DISP3: variants seen among roughly 807,000 people sequenced by gnomAD.
The protein encoded by DISP3 is protein dispatched homolog 3.
In DISP3, 101 loss-of-function variants were observed where a neutral mutation model predicts 135.3. The observed-to-expected ratio is 0.75, with a 90% CI of 0.64 to 0.88. The LOEUF (loss-of-function observed/expected upper bound fraction) is 0.88. Among genes scored for constraint, DISP3 ranks in the 40% least tolerant of loss-of-function variants. DISP3 has a pLI of 0.00. For synonymous variants in DISP3, 856 were observed against 817.0 expected (o/e 1.05, Z -0.81); for missense variants, 1,713 against 1,878.6 (o/e 0.91, Z 1.63).
chr1:11,482,900 A>T (rs7555562), intron 1 of DISP3, among the ~76,000 whole-genome samples: 3 of 152,152 alleles, frequency 2.0e-5, no homozygotes, highest in African/African-American at 7.2e-5. Flanking sequence ...GTCTGTCAAA[A>T]CACCCTTCCA....
At position 11,534,418 on chromosome 1, in the gene DISP3, C is replaced by T. The variant is rs1157276083; in HGVS notation, c.3413C>T (p.Ser1138Leu). Reference sequence around the variant, plus strand: ...GGCAAATCCTCCTTCCAGACCTACTCGGACTACCTGCGCTGGGAGAGCTTC... The same window carrying T: ...GGCAAATCCTCCTTCCAGACCTACTTGGACTACCTGCGCTGGGAGAGCTTC... ...YKGKSSFQTYSDYLRWESFLQ... is the reference protein window; with the variant it reads ...YKGKSSFQTYLDYLRWESFLQ... Residue 1138 changes from serine to leucine, a missense_variant, in exon 18 of 21, where the codon TCG becomes TTG. Physicochemically the swap from Ser to Leu is moderately radical, Grantham distance 145. This residue lies in a region of DISP3 where 1,142 missense variants were observed against 1,384.6 expected (regional missense o/e 0.82). Coordinates refer to ENST00000294484, the MANE Select transcript of DISP3 (RefSeq NM_020780.2). 3.1e-6 allele frequency: 5 copies of T among 1,614,126 alleles called. No individual in the cohort carries two copies. Among genetic ancestry groups the T allele is most frequent in the East Asian group, 2.2e-5 (1 of 44,900 alleles).
intron 1 of DISP3, among the ~76,000 whole-genome samples, chr1:11,490,190 C>G (rs1021489603): frequency 1.3e-5 from 2 of 152,164 alleles, no homozygotes; most frequent in African/African-American, 4.8e-5. Context: ...AACCTGCTGA[C>G]CCGTCAGGCC....
At chr1:11,482,156 C>T (rs2100345612) in intron 1 of DISP3, among the ~76,000 whole-genome samples, 1 of 152,302 alleles carries the variant, frequency 6.6e-6, no homozygotes, top group South Asian at 2.1e-4. Context: ...ATCCCCTATT[C>T]CCCTAGTCCT....
chr1:11,517,592 T>C lies in DISP3; in HGVS notation c.1879T>C (p.Cys627Arg), dbSNP rs1642049759. ...SLYLAPLESS[C>R]QTSCHQNCSR... ...CTACCTGGCACCACTGGAGAGCTCC[T>C]GCCAGACCAGGTAAGTCGGGCAGGG... Residue 627 changes from cysteine to arginine, a missense_variant, in exon 7 of 21, where the codon TGC (cysteine) becomes CGC (arginine). Transcript: ENST00000294484. The C allele has an allele frequency of 1.9e-5, 30 of 1,613,644 alleles. No individual in the cohort carries two copies. The highest frequency in any genetic ancestry group is 2.5e-5 in the Non-Finnish European group (29 of 1,180,022).
chr1:11,501,666 G>C lies in DISP3; in HGVS notation c.674G>C (p.Arg225Pro). 10 of 1,608,002 alleles carry C rather than the reference G, an allele frequency of 6.2e-6. No homozygotes were observed. Among genetic ancestry groups the C allele is most frequent in the Non-Finnish European group, 7.6e-6 (9 of 1,177,928 alleles). The change falls in exon 2 of 21, where the codon CGG becomes CCG. Residue 225 changes from arginine to proline, a missense_variant. Transcript: ENST00000294484. The surrounding 1 kb of genome is among the most constrained non-coding windows in gnomAD (Gnocchi z 4.9). ...CAGAGTGAAGACCCGCGAAACCAGC[G>C]GCTGAGCAAGAATGGGCGGTACCAG... is the stretch of plus-strand genomic sequence containing the variant. ...ANQSEDPRNQ[R>P]LSKNGRYQPS...
At chr1:11,535,261 C>T (rs544380713) in intron 19 of DISP3, 137 bp downstream of exon 19, 12 of 1,045,044 alleles carry the variant, frequency 1.1e-5, no homozygotes, top group Non-Finnish European at 1.5e-5. Context: ...GACTGTCTCT[C>T]CTGCATGTCT....
intron 12 of DISP3, among the ~76,000 whole-genome samples, chr1:11,525,550 G>A (rs985481980): frequency 7.0e-6 from 1 of 143,342 alleles, no homozygotes; most frequent in Non-Finnish European, 1.6e-5. Flanking sequence ...TTAACTGTGT[G>A]TCTTTAGGCA....
intron 6 of DISP3, 77 bp from the exon 7 acceptor site, chr1:11,517,386 T>C (rs1642041596): frequency 6.3e-7 from 1 of 1,577,912 alleles, no homozygotes. Flanking sequence ...TGAGTGTCTC[T>C]GGCTGCAGGG....
chr1:11,490,094 A>C (rs1254301555), intron 1 of DISP3, among the ~76,000 whole-genome samples: 1 of 151,084 alleles, frequency 6.6e-6, no homozygotes, highest in East Asian at 2.0e-4. Context: ...TCATACACCC[A>C]GGACTTGGGA....
intron 3 of DISP3, among the ~76,000 whole-genome samples, chr1:11,509,191 G>C (rs188821015): frequency 1.3e-5 from 2 of 151,512 alleles, no homozygotes; most frequent in Admixed American, 6.6e-5. Context: ...TTTAGTTTTC[G>C]AATATTTGGG....
In DISP3 at chr1:11,529,302, C is replaced by T. The variant is rs1642510588; in HGVS notation, c.2799-254C>T. ...CATGACTCCTATGGGGAGACTGAGA[C>T]CCAGAGGGGCAGGGCCTTTACTAGG... On this transcript the variant is annotated intron_variant, in intron 13 of 20. Transcript: ENST00000294484. This position sits in a 1 kb window ranked among gnomAD's most constrained non-coding sequence, Gnocchi z 4.7. 4.6e-5 allele frequency among the ~76,000 whole-genome samples: 7 copies of T among 152,210 alleles called. No homozygotes were observed. In the South Asian group the frequency reaches 1.5e-3, roughly 32 times the overall value.
chr1:11,486,443 C>CATTA (rs965198754), intron 1 of DISP3, among the ~76,000 whole-genome samples: 18 of 152,148 alleles, frequency 1.2e-4, no homozygotes, highest in Admixed American at 6.5e-5. Context: ...TGAGAGTGTG[C>CATTA]ATTACAAGCT....
chr1:11,491,030 C>G lies in DISP3; in HGVS notation c.-3-9960C>G, dbSNP rs1235750137. On this transcript the variant is annotated intron_variant, in intron 1 of 20. Coordinates refer to ENST00000294484, the MANE Select transcript of DISP3 (RefSeq NM_020780.2). The surrounding 1 kb of genome is among the most constrained non-coding windows in gnomAD (Gnocchi z 4.3). ...GATCTGGGTGTGCTGTTTGTATCCC[C>G]CTGTCTGGCTGGCCCAAATGCCATC... Among the ~76,000 whole-genome samples the G allele has an allele frequency of 6.6e-6, 1 of 152,154 alleles. No individual in the cohort carries two copies. The highest frequency in any genetic ancestry group is 1.9e-4 in the East Asian group (1 of 5,188).
At chr1:11,518,034 A>T (rs1475286069) in intron 7 of DISP3, among the ~76,000 whole-genome samples, 1 of 152,112 alleles carries the variant, frequency 6.6e-6, no homozygotes, top group East Asian at 1.9e-4. Flanking sequence ...TCATCTTTAG[A>T]TGTAGTGAGA....
rs775398270 is a variant in DISP3 at position 11,536,353 on chromosome 1, G to T, written c.3846G>T (p.Thr1282=). Residue 1282 remains threonine, a synonymous_variant, in exon 21 of 21, where the codon ACG becomes ACT. Coordinates refer to ENST00000294484, the MANE Select transcript of DISP3 (RefSeq NM_020780.2). This position sits in a 1 kb window ranked among gnomAD's most constrained non-coding sequence, Gnocchi z 4.3. The stretch of plus-strand genomic sequence containing the variant: ...CCCGAACGCAGCGCCAGTGGCGTAC[G>T]CTGGAGGCCGTGCGGCACGTGGGCG... The part of the protein sequence containing the change: ...EDARTQRQWR[T]LEAVRHVGVA... The T allele has an allele frequency of 6.2e-7, 1 of 1,604,916 alleles. No homozygotes were observed. Among genetic ancestry groups the T allele is most frequent in the South Asian group, 1.1e-5 (1 of 91,056 alleles).
In DISP3 at chr1:11,501,332, G is replaced by A. The variant is rs1339008417; in HGVS notation, c.340G>A (p.Glu114Lys). 1 of 1,613,698 alleles carries A rather than the reference G, an allele frequency of 6.2e-7. No individual in the cohort carries two copies. Among genetic ancestry groups the A allele is most frequent in the Non-Finnish European group, 8.5e-7 (1 of 1,180,016 alleles). ...CAACGCCTTTGAGATCCGCAACCACGAGGCCTCACAGCGTTTCGACGCTCT... is the reference window on the plus strand; with the variant it reads ...CAACGCCTTTGAGATCCGCAACCACAAGGCCTCACAGCGTTTCGACGCTCT... ...SYNAFEIRNH[E>K]ASQRFDALTL... Residue 114 changes from glutamate to lysine, a missense_variant, in exon 2 of 21, where the codon GAG becomes AAG. Transcript: ENST00000294484. This position sits in a 1 kb window ranked among gnomAD's most constrained non-coding sequence, Gnocchi z 4.9.
intron 3 of DISP3, among the ~76,000 whole-genome samples, chr1:11,503,632 G>A (rs970121948): frequency 1.3e-5 from 2 of 152,090 alleles, no homozygotes; most frequent in Non-Finnish European, 2.9e-5. Flanking sequence ...CCCCCATCCA[G>A]TTGGACAGTG....
chr1:11,522,523 GGCCAGGACCCAGCCAGAGCCCA>G lies in DISP3; in HGVS notation c.2363-1381_2363-1360del, dbSNP rs1400588473. 3.9e-3 allele frequency among the ~76,000 whole-genome samples: 499 copies of G among 127,628 alleles called. 1 individual carries two copies. Among genetic ancestry groups the G allele is most frequent in the South Asian group, 0.016 (66 of 4,110 alleles). The allele number at this position is 127,628 out of a possible 152,430, so 83.7% of individuals were successfully genotyped here. A position where few individuals can be genotyped will look rare whatever the true frequency, so the allele number is the denominator to read the frequency against. The stretch of plus-strand genomic sequence containing the variant: ...CCCGAAGCTCCCTGACAACATCTGG[GGCCAGGACCCAGCCAGAGCCCA>G]GCCAGGACCCAGCCAGAGCCCAGCC... On this transcript the variant is annotated intron_variant, in intron 10 of 20. Coordinates refer to ENST00000294484, the MANE Select transcript of DISP3 (RefSeq NM_020780.2).
chr1:11,514,107 C>T (rs760946906), intron 3 of DISP3, among the ~76,000 whole-genome samples: 3 of 152,186 alleles, frequency 2.0e-5, no homozygotes, highest in Non-Finnish European at 2.9e-5. Flanking sequence ...TCACAATCTG[C>T]GTAGAGCAGT....
Sources: allele counts gnomAD v4.1 joint callset (sites outside exome capture counted in the v4.1 genomes callset), GRCh38; gene constraint gnomAD v4.1.1; regional missense constraint gnomAD v4.1.1; non-coding constraint Gnocchi (gnomAD v3.1); transcripts MANE v1.5; gene names NCBI Gene and HGNC (gene_info 2026-07-23, HGNC 2026-07-21).